The following CHRNA3 variants were observed in gnomAD, a reference collection of about 807,000 sequenced individuals.
The protein encoded by CHRNA3 is neuronal acetylcholine receptor subunit alpha-3.
Under a neutral mutation model 41.9 loss-of-function variants are expected in CHRNA3, and 34 were observed. That is an observed-to-expected ratio of 0.81 (90% CI 0.62 to 1.08). The LOEUF (loss-of-function observed/expected upper bound fraction) is 1.08. CHRNA3 is among the 50% of genes least tolerant of loss of function. The pLI, the probability that CHRNA3 is intolerant of heterozygous loss-of-function variation, is 0.00. For missense variants in CHRNA3, 542 were observed against 638.3 expected, an observed-to-expected ratio of 0.85 and a Z score of 1.63; for synonymous variants, 281 against 265.2, an observed-to-expected ratio of 1.06 and a Z score of -0.58.
At chr15:78,609,642 C>G (rs2053351464) in intron 4 of CHRNA3, among the ~76,000 whole-genome samples, 1 of 152,138 alleles carries the variant, frequency 6.6e-6, no homozygotes, top group African/African-American at 2.4e-5. Flanking sequence ...ATGTAAAGAC[C>G]ATCAAGGCTA....
rs567901489 is a variant in CHRNA3 at position 78,616,382 on chromosome 15, T to C, written c.377+642A>G. 9.5e-5 allele frequency among the ~76,000 whole-genome samples: 10 copies of C among 105,410 alleles called. No individual in the cohort carries two copies. The South Asian group carries it at 3.6e-3, about 38-fold the overall frequency. The allele number at this position is 105,410 out of a possible 152,430, so 69.2% of individuals were successfully genotyped here. ...CCCACCCCCCCAAAAAAAAAGCTCC[T>C]TGGTAACCATGCCAGTCAGCAGGCT... On this transcript the variant is annotated intron_variant, in intron 4 of 5. Coordinates refer to ENST00000326828, the MANE Select transcript of CHRNA3 (RefSeq NM_000743.5).
rs569381256 is a variant in CHRNA3 at position 78,601,669 on chromosome 15, C to T, written c.973G>A (p.Val325Met). The change falls in exon 5 of 6, where the codon GTG (valine) becomes ATG (methionine). Residue 325 changes from valine (V) to methionine (M), a missense_variant. Val to Met is a conservative substitution (Grantham distance 21). Coordinates refer to ENST00000326828, the MANE Select transcript of CHRNA3 (RefSeq NM_000743.5). Reference protein sequence around the residue: ...VTLSIVITVFVLNVHYRTPTT... With the variant: ...VTLSIVITVFMLNVHYRTPTT... ...GGGGTTCTGTAGTGCACGTTGAGCA[C>T]GAAGACGGTGATGACGATGGACAAG... 9 of 1,614,026 alleles carry T rather than the reference C, an allele frequency of 5.6e-6. No individual in the cohort carries two copies. The highest frequency in any genetic ancestry group is 1.6e-4 in the Middle Eastern group (1 of 6,062).
At chr15:78,618,186 G>A (rs1453291272) in intron 3 of CHRNA3, among the ~76,000 whole-genome samples, 1 of 152,174 alleles carries the variant, frequency 6.6e-6, no homozygotes, top group Admixed American at 6.5e-5. Context: ...GGTGGAGATT[G>A]CAGTGAGCCG....
rs762616468 is a variant in CHRNA3, at chr15:78,617,084, G to A, written c.317C>T (p.Ala106Val). The part of the protein sequence containing the change: ...LKWNPSDYGG[A>V]EFMRVPAQKI... The stretch of plus-strand genomic sequence containing the variant: ...CTGTGCAGGGACACGCATGAACTCT[G>A]CCCCACCATAGTCAGAGGGGTTCCA... The change falls in exon 4 of 6, where the codon GCA becomes GTA. Residue 106 changes from alanine (A) to valine (V), a missense_variant. Coordinates refer to ENST00000326828, the MANE Select transcript of CHRNA3 (RefSeq NM_000743.5). 6.2e-7 allele frequency: 1 copy of A among 1,613,846 alleles called. No individual in the cohort carries two copies. The highest frequency in any genetic ancestry group is 8.5e-7 in the Non-Finnish European group (1 of 1,179,876).
chr15:78,599,376 C>G (rs753967375), intron 5 of CHRNA3, among the ~76,000 whole-genome samples: 2 of 152,098 alleles, frequency 1.3e-5, no homozygotes, highest in Non-Finnish European at 2.9e-5. Flanking sequence ...AAATTGAGAG[C>G]TGGCCCAGAA....
intron 4 of CHRNA3, among the ~76,000 whole-genome samples, chr15:78,605,127 A>G (rs1317770464): frequency 6.6e-6 from 1 of 152,138 alleles, no homozygotes. Flanking sequence ...AAAAGGTAGT[A>G]TGGGTGCAAA....
chr15:78,619,256 C>A, intron 1 of CHRNA3: 1 of 329,030 alleles, frequency 3.0e-6, no homozygotes, highest in Non-Finnish European at 5.6e-6. Context: ...GTGTCTTTAC[C>A]AGTCAAAATA....
At position 78,596,602 on chromosome 15, in the gene CHRNA3, G is replaced by A. The variant is rs1308261521; in HGVS notation, c.*2C>T. The A allele has an allele frequency of 8.1e-6, 13 of 1,599,232 alleles. No homozygotes were observed. The highest frequency in any genetic ancestry group is 1.8e-5 in the Admixed American group (1 of 55,642). ...CTCCCAGGCAGGCACACAGCTTAGT[G>A]CTTATGCATCTTCCCTGGCCATCAG... is the stretch of plus-strand genomic sequence containing the variant. On this transcript the variant is annotated 3_prime_UTR_variant, in exon 6 of 6. Transcript: ENST00000326828.
rs1236640896 is a variant in CHRNA3, at chr15:78,601,364, T to G, written c.1278A>C (p.Glu426Asp). The G allele has an allele frequency of 1.9e-6, 3 of 1,614,052 alleles. No individual in the cohort carries two copies. The highest frequency in any genetic ancestry group is 2.5e-6 in the Non-Finnish European group (3 of 1,180,036). ...AGAGGGACAGCACAGCATCAACAGA[T>G]TCAGAACTAGAGCTTCTCGTGAGGT... ...SANLTRSSSSESVDAVLSLSA... is the reference protein window; with the variant it reads ...SANLTRSSSSDSVDAVLSLSA... Residue 426 changes from glutamate to aspartate, a missense_variant, in exon 5 of 6, where the codon GAA (glutamate) becomes GAC (aspartate). Coordinates refer to ENST00000326828, the MANE Select transcript of CHRNA3 (RefSeq NM_000743.5).
intron 4 of CHRNA3, among the ~76,000 whole-genome samples, chr15:78,610,379 C>T (rs560991259): frequency 1.3e-5 from 2 of 152,316 alleles, no homozygotes; most frequent in South Asian, 4.2e-4. Flanking sequence ...AACTGTCTCT[C>T]AGACCACAGT....
chr15:78,607,972 T>C (rs2141333870), intron 4 of CHRNA3, among the ~76,000 whole-genome samples: 1 of 152,298 alleles, frequency 6.6e-6, no homozygotes, highest in East Asian at 1.9e-4. Context: ...TGCTGATGGC[T>C]AGCACAGCAG....
chr15:78,605,781 G>C (rs1433997938), intron 4 of CHRNA3, among the ~76,000 whole-genome samples: 1 of 152,164 alleles, frequency 6.6e-6, no homozygotes, highest in Non-Finnish European at 1.5e-5. Context: ...GATGAGAAGA[G>C]AAAGAAGGTT....
In CHRNA3 at chr15:78,596,203, G is replaced by A. The variant is rs976085397; in HGVS notation, c.*401C>T. 3.0e-6 allele frequency: 3 copies of A among 987,132 alleles called. No individual in the cohort carries two copies. In the African/African-American group the frequency reaches 5.2e-5, roughly 17 times the overall value. The allele number at this position is 987,132 out of a possible 1,614,324, so 61.1% of individuals were successfully genotyped here. On this transcript the variant is annotated 3_prime_UTR_variant, in exon 6 of 6. Transcript: ENST00000326828. ...CTGAATTAGTATAAACCTTCAAAGA[G>A]ATTATGGGCTAAATAAGAAAAATTA...
rs200278829 is a variant in CHRNA3, at chr15:78,596,451, T to G, written c.*153A>C. 1.6e-6 allele frequency: 2 copies of G among 1,265,928 alleles called. No individual in the cohort carries two copies. Among genetic ancestry groups the G allele is most frequent in the Non-Finnish European group, 2.0e-6 (2 of 1,000,064 alleles). 78.4% of individuals were successfully genotyped at this position (1,265,928 alleles called of 1,614,324 possible). On this transcript the variant is annotated 3_prime_UTR_variant, in exon 6 of 6. Transcript: ENST00000326828. ...TAAATACTCTTGACATTTTTTTTTTTGCATGATTCCAAGATAAGTGGAAAA... is the reference window on the plus strand; with the variant it reads ...TAAATACTCTTGACATTTTTTTTTTGGCATGATTCCAAGATAAGTGGAAAA...
chr15:78,608,401 G>A (rs2053331299), intron 4 of CHRNA3, among the ~76,000 whole-genome samples: 1 of 152,096 alleles, frequency 6.6e-6, no homozygotes, highest in African/African-American at 2.4e-5. Flanking sequence ...GCATCTGTGG[G>A]TCACCAAGAT....
At chr15:78,599,361 AG>A (rs879399552) in intron 5 of CHRNA3, among the ~76,000 whole-genome samples, 3 of 152,122 alleles carry the variant, frequency 2.0e-5, no homozygotes, top group Admixed American at 6.5e-5. Context: ...GTGGTGAACT[AG>A]CCCAAATTGA....
chr15:78,616,925 G>A (rs1441817995), intron 4 of CHRNA3, 99 bp downstream of exon 4: 1 of 711,898 alleles, frequency 1.4e-6, no homozygotes, highest in African/African-American at 1.8e-5. Flanking sequence ...CAGCCTTCTT[G>A]GAAAAGGCCA....
At chr15:78,619,032 G>T in intron 1 of CHRNA3, 117 bp from the exon 2 acceptor site, 1 of 1,233,880 alleles carries the variant, frequency 8.1e-7, no homozygotes. Flanking sequence ...GGATTCTGTG[G>T]AACCCTAGAC....
chr15:78,601,638 G>A lies in CHRNA3; in HGVS notation c.1004C>T (p.Thr335Ile), dbSNP rs1463209995. ...CTTCACCCATGAGGGCATTGTGTGT[G>A]TCGTCGGGGTTCTGTAGTGCACGTT... is the stretch of plus-strand genomic sequence containing the variant. ...VLNVHYRTPT[T>I]HTMPSWVKTV... The change falls in exon 5 of 6, where the codon ACA (threonine) becomes ATA (isoleucine). Residue 335 changes from threonine (T) to isoleucine (I), a missense_variant. Thr to Ile is a moderately conservative substitution (Grantham distance 89). Coordinates refer to ENST00000326828, the MANE Select transcript of CHRNA3 (RefSeq NM_000743.5). 6.2e-7 allele frequency: 1 copy of A among 1,614,094 alleles called. No individual in the cohort carries two copies. Among genetic ancestry groups the A allele is most frequent in the Non-Finnish European group, 8.5e-7 (1 of 1,180,054 alleles).
Sources: allele counts gnomAD v4.1 joint callset (sites outside exome capture counted in the v4.1 genomes callset), GRCh38; gene constraint gnomAD v4.1.1; transcripts MANE v1.5; gene names NCBI Gene and HGNC (gene_info 2026-07-23, HGNC 2026-07-21).